The following PTPRN2 variants were observed in gnomAD, a reference collection of about 807,000 sequenced individuals.
PTPRN2 encodes the protein protein tyrosine phosphatase receptor type N2, also known as receptor-type tyrosine-protein phosphatase N2.
PTPRN2 carries 74 observed loss-of-function variants against 118.8 expected under a neutral mutation model. The observed-to-expected ratio is 0.62, with a 90% CI of 0.52 to 0.76. The LOEUF (loss-of-function observed/expected upper bound fraction) is 0.76, where lower values mean the gene tolerates loss of function less well. PTPRN2 is among the 30% of genes least tolerant of loss of function. The pLI, the probability that PTPRN2 is intolerant of heterozygous loss-of-function variation, is 0.00. For missense variants in PTPRN2, 1,481 were observed against 1,394.4 expected (o/e 1.06, Z -0.99); for synonymous variants, 641 against 608.0 (o/e 1.05, Z -0.80).
intron 17 of PTPRN2, among the ~76,000 whole-genome samples, chr7:157,586,448 T>G (rs1800679969): frequency 6.6e-6 from 1 of 152,158 alleles, no homozygotes; most frequent in Non-Finnish European, 1.5e-5. Flanking sequence ...CTGCAGGGAC[T>G]GGGGGACATT....
At chr7:158,327,257 T>G (rs533316566) in intron 2 of PTPRN2, among the ~76,000 whole-genome samples, 1,848 of 150,568 alleles carry the variant, frequency 0.012, 21 homozygotes, top group Non-Finnish European at 0.017. Flanking sequence ...GCACACATTC[T>G]CACATGCACA....
chr7:157,905,923 ACGACGT>A (rs1231841768), intron 11 of PTPRN2, among the ~76,000 whole-genome samples: 11 of 152,060 alleles, frequency 7.2e-5, no homozygotes, highest in African/African-American at 2.7e-4. Flanking sequence ...CCGAGCTGAA[ACGACGT>A]CCCCTAGGGT....
intron 12 of PTPRN2, among the ~76,000 whole-genome samples, chr7:157,797,015 A>T (rs1472738859): frequency 6.6e-6 from 1 of 152,064 alleles, no homozygotes; most frequent in Non-Finnish European, 1.5e-5. Context: ...GCTCAGACGA[A>T]CTCACGGCTC....
intron 12 of PTPRN2, among the ~76,000 whole-genome samples, chr7:157,720,687 G>C (rs1339596260): frequency 1.3e-5 from 2 of 152,142 alleles, no homozygotes; most frequent in Admixed American, 1.3e-4. Context: ...CGCTTTCTGG[G>C]GAGAAACTCC....
intron 12 of PTPRN2, among the ~76,000 whole-genome samples, chr7:157,731,468 C>T (rs558240563): frequency 6.6e-6 from 1 of 151,632 alleles, no homozygotes; most frequent in African/African-American, 2.4e-5. Context: ...CCTTCCCACG[C>T]GCCCAGCACA....
In PTPRN2 at chr7:158,376,612, G is replaced by A. The variant is rs570235258; in HGVS notation, c.164-59680C>T. Among the ~76,000 whole-genome samples, 118 of 75,152 alleles carry A rather than the reference G, an allele frequency of 1.6e-3. 1 individual carries two copies. The highest frequency in any genetic ancestry group is 5.9e-3 in the African/African-American group (97 of 16,424). 49.3% of individuals were successfully genotyped at this position (75,152 alleles called of 152,430 possible). On this transcript the variant is annotated intron_variant, in intron 2 of 22. Transcript: ENST00000389418. Reference sequence around the variant, plus strand: ...CCCACAGCCCTGTCACACGTCCTGAGAGGGGGGTCAGGGGACTCCCCCACA... The same window carrying A: ...CCCACAGCCCTGTCACACGTCCTGAAAGGGGGGTCAGGGGACTCCCCCACA...
chr7:158,353,461 T>G (rs1808162299), intron 2 of PTPRN2, among the ~76,000 whole-genome samples: 1 of 152,244 alleles, frequency 6.6e-6, no homozygotes. Context: ...TAAAACCATC[T>G]GCTGTCTTCT....
rs561295347 is a variant in PTPRN2 at position 158,395,183 on chromosome 7, G to A, written c.164-78251C>T. Among the ~76,000 whole-genome samples, 321 of 151,920 alleles carry A rather than the reference G, an allele frequency of 2.1e-3. 2 individuals are homozygous for A. The highest frequency in any genetic ancestry group is 7.2e-3 in the African/African-American group (299 of 41,418). On this transcript the variant is annotated intron_variant, in intron 2 of 22. Transcript: ENST00000389418. ...GGAGCCTCCGGAGTCTGGGGTGGAG[G>A]GGCTGCAGTACCCGAGCACGGCCGC...
intron 22 of PTPRN2, among the ~76,000 whole-genome samples, chr7:157,545,582 AG>A (rs1345593447): frequency 1.3e-5 from 2 of 152,044 alleles, no homozygotes; most frequent in Non-Finnish European, 2.9e-5. Flanking sequence ...ACTGCCGTTC[AG>A]CCCCTGGGTG....
chr7:158,516,560 G>A lies in PTPRN2; in HGVS notation c.113-26775C>T, dbSNP rs117644195. Reference sequence around the variant, plus strand: ...TTGGTGCTTCTGCCTATAGTTCTTGGTGCTGTTCTTGGTGCTCCTGCCTAT... The same window carrying A: ...TTGGTGCTTCTGCCTATAGTTCTTGATGCTGTTCTTGGTGCTCCTGCCTAT... On this transcript the variant is annotated intron_variant, in intron 1 of 22. Transcript: ENST00000389418. Among the ~76,000 whole-genome samples the A allele has an allele frequency of 3.7e-4, 56 of 151,498 alleles. No homozygotes were observed. The East Asian group carries it at 9.0e-3, about 24-fold the overall frequency.
In PTPRN2 at chr7:157,621,379, G is replaced by A; in HGVS notation, c.2327C>T (p.Ser776Phe). The change falls in exon 15 of 23, where the codon TCC becomes TTC. Residue 776 changes from serine (S) to phenylalanine (F), a missense_variant. Coordinates refer to ENST00000389418, the MANE Select transcript of PTPRN2 (RefSeq NM_002847.5). ...GTACGTACAGGTCAGCACGGCCAGG[G>A]AGCGGTTCTTGGGCACGTTCTCCTC... ...QREENVPKNR[S>F]LAVLTYDHSR... The A allele has an allele frequency of 6.6e-7, 1 of 1,521,442 alleles. No individual in the cohort carries two copies. The highest frequency in any genetic ancestry group is 1.1e-5 in the South Asian group (1 of 89,850). The allele number at this position is 1,521,442 out of a possible 1,614,324, so 94.2% of individuals were successfully genotyped here.
At chr7:158,029,758 G>C (rs1807551886) in intron 11 of PTPRN2, 1 of 150,870 alleles carries the variant, frequency 6.6e-6, no homozygotes, top group Non-Finnish European at 1.5e-5. Context: ...CGTTCACAGG[G>C]GCTGGAGGCT....
chr7:158,484,021 G>A (rs549372562), intron 2 of PTPRN2, among the ~76,000 whole-genome samples: 1 of 152,278 alleles, frequency 6.6e-6, no homozygotes, highest in South Asian at 2.1e-4. Context: ...GTGTGTGCTT[G>A]TAGTCCCAGC....
At chr7:157,882,641 C>G (rs1447555180) in intron 12 of PTPRN2, among the ~76,000 whole-genome samples, 1 of 150,810 alleles carries the variant, frequency 6.6e-6, no homozygotes, top group Non-Finnish European at 1.5e-5. Context: ...CCAGAACACA[C>G]CACCCCAAAA....
chr7:157,875,054 G>GACAC (rs149916225), intron 12 of PTPRN2, among the ~76,000 whole-genome samples: 1 of 150,520 alleles, frequency 6.6e-6, no homozygotes, highest in Non-Finnish European at 1.5e-5. Context: ...CGCACACACA[G>GACAC]ACACACACAC....
At chr7:158,490,599 C>T (rs10255490) in intron 1 of PTPRN2, among the ~76,000 whole-genome samples, 28,844 of 152,246 alleles carry the variant, frequency 0.19, 3,245 homozygotes, top group East Asian at 0.41. Flanking sequence ...CCCGCGAGGG[C>T]GTGAGCACCC....
At chr7:158,415,738 A>T (rs1445161961) in intron 2 of PTPRN2, among the ~76,000 whole-genome samples, 1 of 152,156 alleles carries the variant, frequency 6.6e-6, no homozygotes, top group Non-Finnish European at 1.5e-5. Flanking sequence ...TATGCAGGCC[A>T]CCCATGCCTC....
chr7:158,168,700 C>A (rs140905304), intron 5 of PTPRN2, among the ~76,000 whole-genome samples: 2,053 of 152,264 alleles, frequency 0.013, 44 homozygotes, highest in African/African-American at 0.047. Flanking sequence ...AATGCCCTGG[C>A]TAACAGTCTT....
At chr7:158,524,904 G>C (rs1824654462) in intron 1 of PTPRN2, among the ~76,000 whole-genome samples, 1 of 152,144 alleles carries the variant, frequency 6.6e-6, no homozygotes, top group African/African-American at 2.4e-5. Flanking sequence ...AATGAGTTCA[G>C]ACCCATGTTG....
Sources: allele counts gnomAD v4.1 joint callset (sites outside exome capture counted in the v4.1 genomes callset), GRCh38; gene constraint gnomAD v4.1.1; transcripts MANE v1.5; gene names NCBI Gene and HGNC (gene_info 2026-07-23, HGNC 2026-07-21).